Variants in MAF observed in about 807,000 individuals in gnomAD.
MAF encodes the protein MAF bZIP transcription factor.
In MAF, 10 loss-of-function variants were observed where a neutral mutation model predicts 22.0. That is an observed-to-expected ratio of 0.45 (90% CI 0.28 to 0.77). The LOEUF (loss-of-function observed/expected upper bound fraction) is 0.77. Ranked by LOEUF, MAF falls within the 30% of genes least tolerant of loss-of-function variation. MAF has a pLI of 0.12. For synonymous variants in MAF, 337 were observed against 255.8 expected (o/e 1.32, Z -3.03); for missense variants, 544 against 548.4 (o/e 0.99, Z 0.08).
At chr16:79,508,208 C>T in the MAF span, among the ~76,000 whole-genome samples, 1 of 152,158 alleles carries the variant, frequency 6.6e-6, no homozygotes, top group Non-Finnish European at 1.5e-5. Flanking sequence ...ACTGTGCTCC[C>T]TTGCTCAAAT....
the MAF span, among the ~76,000 whole-genome samples, chr16:79,415,909 C>G: frequency 6.6e-6 from 1 of 152,054 alleles, no homozygotes; most frequent in East Asian, 1.9e-4. Flanking sequence ...TCTTGCATCC[C>G]TTGGTGTATT....
At chr16:79,560,749 G>A in the MAF span, among the ~76,000 whole-genome samples, 2 of 152,148 alleles carry the variant, frequency 1.3e-5, no homozygotes, top group African/African-American at 2.4e-5. Flanking sequence ...ATCCAGAGAG[G>A]CCACTGCCTA....
the MAF span, among the ~76,000 whole-genome samples, chr16:79,231,951 G>C: frequency 3.3e-5 from 5 of 151,968 alleles, no homozygotes; most frequent in Non-Finnish European, 5.9e-5. Flanking sequence ...TCATGCATTA[G>C]ACTCTCATAA....
chr16:79,245,547 T>C, the MAF span, among the ~76,000 whole-genome samples: 1 of 151,940 alleles, frequency 6.6e-6, no homozygotes, highest in Non-Finnish European at 1.5e-5. Context: ...CATTAAAAAG[T>C]CAGGAAACAA....
the MAF span, among the ~76,000 whole-genome samples, chr16:79,388,943 C>A: frequency 6.6e-6 from 1 of 152,226 alleles, no homozygotes; most frequent in African/African-American, 2.4e-5. Context: ...GTGATTGAGA[C>A]TGGTTTTATT....
the MAF span, among the ~76,000 whole-genome samples, chr16:79,229,144 C>G: frequency 2.5e-4 from 38 of 152,002 alleles, 1 homozygote; most frequent in South Asian, 5.8e-3. Flanking sequence ...TAGACCCCCC[C>G]CAACACCCAG....
the MAF span, among the ~76,000 whole-genome samples, chr16:79,209,331 G>C: frequency 6.6e-6 from 1 of 152,218 alleles, no homozygotes; most frequent in African/African-American, 2.4e-5. Context: ...AGTAATGCAA[G>C]AGTGCAACGT....
At chr16:79,208,785 T>C in the MAF span, among the ~76,000 whole-genome samples, 5 of 152,334 alleles carry the variant, frequency 3.3e-5, no homozygotes, top group South Asian at 8.3e-4. Context: ...TACTAAACTG[T>C]CATCACATCT....
At chr16:79,373,940 A>G in the MAF span, among the ~76,000 whole-genome samples, 101 of 152,348 alleles carry the variant, frequency 6.6e-4, no homozygotes, top group African/African-American at 2.3e-3. Context: ...AACTGAATAA[A>G]TTAGTAAGTC....
the MAF span, among the ~76,000 whole-genome samples, chr16:79,245,865 T>G: frequency 8.6e-5 from 13 of 152,046 alleles, no homozygotes; most frequent in Non-Finnish European, 1.8e-4. Context: ...CACCATGGAA[T>G]ACTATGCAGC....
At chr16:79,211,848 A>C in the MAF span, 2 of 1,610,026 alleles carry the variant, frequency 1.2e-6, no homozygotes, top group Non-Finnish European at 1.7e-6. Context: ...GTGTCCCCTC[A>C]CGCAAGTGCC....
At chr16:79,598,581 G>GGTGGGTGT in intron 1 of MAF, 4 of 1,409,632 alleles carry the variant, frequency 2.8e-6, no homozygotes, top group South Asian at 1.4e-5. Context: ...CAGGGTGTGG[G>GGTGGGTGT]GTGTGTGTGT....
the MAF span, among the ~76,000 whole-genome samples, chr16:79,410,114 T>A: frequency 1.3e-5 from 2 of 152,218 alleles, no homozygotes; most frequent in African/African-American, 4.8e-5. Flanking sequence ...ACTCATACAC[T>A]GCTGAGTGTT....
chr16:79,399,138 T>C, the MAF span, among the ~76,000 whole-genome samples: 4 of 152,216 alleles, frequency 2.6e-5, no homozygotes, highest in African/African-American at 9.7e-5. Context: ...TGGACAGACC[T>C]GCCATTGAAT....
the MAF span, among the ~76,000 whole-genome samples, chr16:79,569,644 A>G: frequency 1.3e-5 from 2 of 152,224 alleles, no homozygotes; most frequent in African/African-American, 2.4e-5. Flanking sequence ...CGTGCCTTAG[A>G]ACAGTGCTTC....
the MAF span, among the ~76,000 whole-genome samples, chr16:79,280,735 C>T: frequency 1.3e-5 from 2 of 152,200 alleles, no homozygotes; most frequent in East Asian, 3.9e-4. Context: ...TCTTGTCCAG[C>T]CCCTGCATTA....
the MAF span, among the ~76,000 whole-genome samples, chr16:79,556,736 G>A: frequency 6.6e-6 from 1 of 152,120 alleles, no homozygotes; most frequent in African/African-American, 2.4e-5. Flanking sequence ...AATCTCTTGG[G>A]TAAGTTAGAT....
the MAF span, among the ~76,000 whole-genome samples, chr16:79,491,946 C>T: frequency 6.6e-6 from 1 of 152,184 alleles, no homozygotes; most frequent in Non-Finnish European, 1.5e-5. Flanking sequence ...TCCTCTCCCA[C>T]TTCTTTTCTA....
chr16:79,410,202 G>C, the MAF span, among the ~76,000 whole-genome samples: 4 of 152,174 alleles, frequency 2.6e-5, no homozygotes, highest in Admixed American at 6.5e-5. Flanking sequence ...ATTTCTGTAC[G>C]TCACTTCCCT....
Sources: gnomAD v4.1 joint callset for allele counts (sites outside exome capture counted in the v4.1 genomes callset) on GRCh38, gnomAD v4.1.1 for gene constraint, MANE v1.5 for transcripts, NCBI Gene and HGNC (gene_info 2026-07-23, HGNC 2026-07-21) for gene names.